CEBPZ: variants seen among roughly 807,000 people sequenced by gnomAD.
The protein encoded by CEBPZ is CCAAT enhancer binding protein zeta, also known as CCAAT/enhancer-binding protein zeta.
In CEBPZ, 78 loss-of-function variants were observed where a neutral mutation model predicts 104.5. That is an observed-to-expected ratio of 0.75 (90% CI 0.62 to 0.90). CEBPZ has a LOEUF of 0.90. CEBPZ is among the 40% of genes least tolerant of loss of function. The pLI is 0.00. For missense variants in CEBPZ, 1,439 were observed against 1,233.5 expected (o/e 1.17, Z -2.50); for synonymous variants, 470 against 427.0 (o/e 1.10, Z -1.24).
At chr2:37,230,811 CTCCT>C (rs1665055630) in intron 1 of CEBPZ, among the ~76,000 whole-genome samples, 1 of 152,186 alleles carries the variant, frequency 6.6e-6, no homozygotes, top group Non-Finnish European at 1.5e-5. Context: ...TGGCAGCTCA[CTCCT>C]TCCTGTCCTT....
intron 13 of CEBPZ, chr2:37,208,885 A>C (rs564897351): frequency 3.4e-4 from 51 of 152,108 alleles, no homozygotes; most frequent in Non-Finnish European, 6.9e-4. Flanking sequence ...CATACCTAGA[A>C]AACCCTAAAG....
At chr2:37,215,022 C>A in intron 8 of CEBPZ, 70 bp from the exon 9 acceptor site, 1 of 938,480 alleles carries the variant, frequency 1.1e-6, no homozygotes, top group Non-Finnish European at 1.7e-6. Context: ...GCTCTTAAGA[C>A]AAAATACAGC....
chr2:37,207,735 C>T (rs1572494356), intron 13 of CEBPZ, among the ~76,000 whole-genome samples: 1 of 152,204 alleles, frequency 6.6e-6, no homozygotes, highest in East Asian at 1.9e-4. Context: ...AAGCTCACAC[C>T]TCAAGGAACT....
chr2:37,214,859 C>T lies in CEBPZ; in HGVS notation c.2447+27G>A, dbSNP rs771422157. 40 of 1,464,390 alleles carry T rather than the reference C, an allele frequency of 2.7e-5. 1 individual carries two copies. Among genetic ancestry groups the T allele is most frequent in the Non-Finnish European group, 7.5e-6 (8 of 1,065,358 alleles). 90.7% of individuals were successfully genotyped at this position (1,464,390 alleles called of 1,614,324 possible). The stretch of plus-strand genomic sequence containing the variant: ...AAAATTTAAATTTTAGCAGTTTCCC[C>T]AAATGAAACTATATTATGTATAGTA... On this transcript the variant is annotated intron_variant, in intron 9 of 15. Transcript: ENST00000234170.
rs577194356 is a variant in CEBPZ at position 37,207,651 on chromosome 2, G to A, written c.2884+3348C>T. ...AAAACCTCTGGGATACAGCAAAAGC[G>A]GCACTACATTTAGTAAGTTCACAGC... is the stretch of plus-strand genomic sequence containing the variant. On this transcript the variant is annotated intron_variant, in intron 13 of 15. Coordinates refer to ENST00000234170, the MANE Select transcript of CEBPZ (RefSeq NM_005760.3). Among the ~76,000 whole-genome samples, 14 of 152,156 alleles carry A rather than the reference G, an allele frequency of 9.2e-5. No homozygotes were observed. In the East Asian group the frequency reaches 2.3e-3, roughly 25 times the overall value.
Position 37,222,546 on chromosome 2 carries a change from T to G in CEBPZ, c.1899A>C (p.Glu633Asp). 1 of 1,586,464 alleles carries G rather than the reference T, an allele frequency of 6.3e-7. No individual in the cohort carries two copies. The highest frequency in any genetic ancestry group is 8.5e-7 in the Non-Finnish European group (1 of 1,172,454). ...CATCATCATTTGCATCAATAAAATTTTCTTCATCATCAGACTCCTAACAAA... is the reference window on the plus strand; with the variant it reads ...CATCATCATTTGCATCAATAAAATTGTCTTCATCATCAGACTCCTAACAAA... ...LDDHPESDDEENFIDANDDED... is the reference protein window; with the variant it reads ...LDDHPESDDEDNFIDANDDED... Residue 633 changes from glutamate (E) to aspartate (D), a missense_variant, in exon 4 of 16, where the codon GAA becomes GAC. Glu to Asp is a conservative substitution (Grantham distance 45, BLOSUM62 2). Coordinates refer to ENST00000234170, the MANE Select transcript of CEBPZ (RefSeq NM_005760.3).
At position 37,210,991 on chromosome 2, in the gene CEBPZ, T is replaced by C. The variant is rs1177079642; in HGVS notation, c.2884+8A>G. 2 of 1,596,204 alleles carry C rather than the reference T, an allele frequency of 1.3e-6. No homozygotes were observed. Among genetic ancestry groups the C allele is most frequent in the East Asian group, 4.5e-5 (2 of 44,532 alleles). Reference sequence around the variant, plus strand: ...TGCTTTTAAAAGATATTAAATGTATTTTCTTACCTTGAAATGAGCCAGCAA... The same window carrying C: ...TGCTTTTAAAAGATATTAAATGTATCTTCTTACCTTGAAATGAGCCAGCAA... On this transcript the variant is annotated splice_region_variant and intron_variant, in intron 13 of 15. Coordinates refer to ENST00000234170, the MANE Select transcript of CEBPZ (RefSeq NM_005760.3).
chr2:37,227,483 C>A, intron 2 of CEBPZ, 61 bp downstream of exon 2: 1 of 1,494,346 alleles, frequency 6.7e-7, no homozygotes, highest in Non-Finnish European at 8.9e-7. Context: ...GAGGGCACTG[C>A]TTGTGCTGTA....
intron 9 of CEBPZ, among the ~76,000 whole-genome samples, chr2:37,214,235 A>G (rs1445558702): frequency 2.0e-5 from 3 of 152,214 alleles, no homozygotes; most frequent in Non-Finnish European, 4.4e-5. Context: ...CCATTTACAG[A>G]TGTAATCAAA....
At chr2:37,229,242 C>T (rs1664973541) in intron 1 of CEBPZ, among the ~76,000 whole-genome samples, 1 of 152,032 alleles carries the variant, frequency 6.6e-6, no homozygotes, top group South Asian at 2.1e-4. Flanking sequence ...CACGCACACA[C>T]ACTTTTTATT....
intron 14 of CEBPZ, 24 bp from the exon 15 acceptor site, chr2:37,202,889 T>A (rs1411266187): frequency 6.3e-7 from 1 of 1,595,162 alleles, no homozygotes; most frequent in Non-Finnish European, 8.5e-7. Context: ...ACGATAAATT[T>A]ATTAGAAAAC....
At chr2:37,222,679 G>A (rs1664800654) in intron 3 of CEBPZ, 116 bp from the exon 4 acceptor site, 1 of 654,760 alleles carries the variant, frequency 1.5e-6, no homozygotes, top group Non-Finnish European at 2.4e-6. Flanking sequence ...AAACGTGAAA[G>A]TTCTAATAAA....
At chr2:37,211,553 C>T in intron 12 of CEBPZ, 1 of 319,834 alleles carries the variant, frequency 3.1e-6, no homozygotes, top group Non-Finnish European at 5.7e-6. Flanking sequence ...CTGCTAATTA[C>T]TATCAAAAAA....
chr2:37,229,135 C>A (rs1480990405), intron 1 of CEBPZ, 99 bp from the exon 2 acceptor site: 2 of 1,092,848 alleles, frequency 1.8e-6, no homozygotes, highest in African/African-American at 3.3e-5. Context: ...AATTTCGGAA[C>A]TGGAAAAATC....
intron 4 of CEBPZ, among the ~76,000 whole-genome samples, chr2:37,222,120 C>A (rs1416008046): frequency 6.6e-6 from 1 of 152,002 alleles, no homozygotes; most frequent in Non-Finnish European, 1.5e-5. Flanking sequence ...TCCACCTCTA[C>A]TAAAAATACA....
In CEBPZ at chr2:37,228,031, C is replaced by T. The variant is rs757917771; in HGVS notation, c.1162G>A (p.Val388Ile). The T allele has an allele frequency of 2.4e-5, 38 of 1,614,050 alleles. No homozygotes were observed. The highest frequency in any genetic ancestry group is 3.2e-5 in the Non-Finnish European group (38 of 1,180,038). ...EEEKALLVQV[V>I]NKLGDPQNRI... ...TTCTGAGGATCTCCCAGTTTATTTACCACTTGCACAAGAAGAGCCTTTTCT... is the reference window on the plus strand; with the variant it reads ...TTCTGAGGATCTCCCAGTTTATTTATCACTTGCACAAGAAGAGCCTTTTCT... The change falls in exon 2 of 16, where the codon GTA (valine) becomes ATA (isoleucine). Residue 388 changes from valine to isoleucine, a missense_variant. Val to Ile is a conservative substitution (Grantham distance 29). Transcript: ENST00000234170.
Position 37,220,479 on chromosome 2 carries a change from A to C in CEBPZ, c.2066-6T>G. The C allele has an allele frequency of 6.7e-7, 1 of 1,501,154 alleles. No homozygotes were observed. Among genetic ancestry groups the C allele is most frequent in the Non-Finnish European group, 9.2e-7 (1 of 1,090,812 alleles). The allele number at this position is 1,501,154 out of a possible 1,614,324, so 93.0% of individuals were successfully genotyped here. On this transcript the variant is annotated splice_polypyrimidine_tract_variant and splice_region_variant and intron_variant, in intron 4 of 15. Transcript: ENST00000234170. ...TTTATTTAACTGTTTCCCACCTAGG[A>C]ATAACAAAAAAAATACGATTTCTCA...
At chr2:37,219,392 A>C (rs1664711209) in intron 5 of CEBPZ, among the ~76,000 whole-genome samples, 1 of 144,118 alleles carries the variant, frequency 6.9e-6, no homozygotes, top group Non-Finnish European at 1.6e-5. Flanking sequence ...ATCATTCTTA[A>C]GTCATACTGG....
Position 37,201,675 on chromosome 2 carries a change from A to G in CEBPZ, c.*89T>C, listed in dbSNP as rs1339363803. The G allele has an allele frequency of 7.3e-6, 6 of 818,924 alleles. No homozygotes were observed. Among genetic ancestry groups the G allele is most frequent in the East Asian group, 2.7e-5 (1 of 37,632 alleles). The allele number at this position is 818,924 out of a possible 1,614,324, so 50.7% of individuals were successfully genotyped here. A position where few individuals can be genotyped will look rare whatever the true frequency, so the allele number is the denominator to read the frequency against. On this transcript the variant is annotated 3_prime_UTR_variant, in exon 16 of 16. Transcript: ENST00000234170. ...AAATCCACTGAGAAGTCTGGAATGT[A>G]TGGAATCAGAGAGCTAGATCAAAAA... is the stretch of plus-strand genomic sequence containing the variant.
Sources: gnomAD v4.1 joint callset for allele counts (sites outside exome capture counted in the v4.1 genomes callset) on GRCh38, gnomAD v4.1.1 for gene constraint, MANE v1.5 for transcripts, NCBI Gene and HGNC (gene_info 2026-07-23, HGNC 2026-07-21) for gene names.